TMOD1: variants seen among roughly 807,000 people sequenced by gnomAD.
TMOD1 encodes tropomodulin 1.
Under a neutral mutation model 40.6 loss-of-function variants are expected in TMOD1, and 17 were observed. The ratio of observed to expected loss-of-function variants is 0.42; its 90% confidence interval spans 0.29 to 0.63. The LOEUF is 0.63. Among genes scored for constraint, TMOD1 ranks in the 20% least tolerant of loss-of-function variants. The pLI, the probability that TMOD1 is intolerant of heterozygous loss-of-function variation, is 0.22. For synonymous variants in TMOD1, 181 were observed against 175.0 expected (o/e 1.03, Z -0.27); for missense variants, 391 against 447.6 (o/e 0.87, Z 1.14).
chr9:97,530,972 G>C (rs1039627060), intron 2 of TMOD1, among the ~76,000 whole-genome samples: 4 of 149,498 alleles, frequency 2.7e-5, no homozygotes, highest in African/African-American at 9.9e-5. Flanking sequence ...ATTTTTAGTA[G>C]AGATGGGGTT....
At chr9:97,523,029 G>A (rs189567067) in intron 1 of TMOD1, among the ~76,000 whole-genome samples, 1 of 152,022 alleles carries the variant, frequency 6.6e-6, no homozygotes, top group African/African-American at 2.4e-5. Context: ...TGATGTCAGG[G>A]GTCCTGAGTC....
At chr9:97,559,266 G>A (rs568915217) in intron 4 of TMOD1, among the ~76,000 whole-genome samples, 17 of 152,046 alleles carry the variant, frequency 1.1e-4, no homozygotes, top group Middle Eastern at 3.2e-3. Flanking sequence ...TGTTGCCCAC[G>A]TAGATGCAGC....
At chr9:97,559,794 A>AAT (rs1193457397) in intron 4 of TMOD1, among the ~76,000 whole-genome samples, 634 of 23,042 alleles carry the variant, frequency 0.028, 10 homozygotes, top group Non-Finnish European at 0.038. Context: ...AAAAAAAAAA[A>AAT]ATATATATAT....
intron 3 of TMOD1, among the ~76,000 whole-genome samples, chr9:97,553,002 C>T (rs1830476422): frequency 6.6e-6 from 1 of 152,024 alleles, no homozygotes; most frequent in South Asian, 2.1e-4. Flanking sequence ...ATATTTTTTT[C>T]CTACTTACAG....
intron 7 of TMOD1, among the ~76,000 whole-genome samples, chr9:97,566,748 T>A (rs1193461898): frequency 6.6e-6 from 1 of 152,230 alleles, no homozygotes; most frequent in African/African-American, 2.4e-5. Flanking sequence ...TGACCAATTT[T>A]ATTTTATAAG....
Position 97,601,089 on chromosome 9 carries a change from G to T in TMOD1, c.*1391G>T, listed in dbSNP as rs1402056504. 2 of 1,304,290 alleles carry T rather than the reference G, an allele frequency of 1.5e-6. No individual in the cohort carries two copies. The allele number at this position is 1,304,290 out of a possible 1,614,324, so 80.8% of individuals were successfully genotyped here. On this transcript the variant is annotated 3_prime_UTR_variant, in exon 10 of 10. Transcript: ENST00000259365. ...CAGGGTAACTGGAGGCGGGGCCAGG[G>T]CCTCAGCGCTATGGAAGAGTGTCCA...
intron 7 of TMOD1, among the ~76,000 whole-genome samples, chr9:97,568,580 A>G (rs1830768622): frequency 6.6e-6 from 1 of 152,180 alleles, no homozygotes; most frequent in South Asian, 2.1e-4. Context: ...CAAAGTGGGA[A>G]AGCACCGAGC....
chr9:97,530,065 T>G (rs999429535), intron 2 of TMOD1, among the ~76,000 whole-genome samples: 1 of 152,182 alleles, frequency 6.6e-6, no homozygotes, highest in Admixed American at 6.5e-5. Context: ...CTGTTAACCC[T>G]GGGAGCACCT....
At chr9:97,544,038 T>A (rs1023512560) in intron 2 of TMOD1, among the ~76,000 whole-genome samples, 1 of 152,170 alleles carries the variant, frequency 6.6e-6, no homozygotes, top group South Asian at 2.1e-4. Flanking sequence ...GTGTCTCTTT[T>A]GATCTGTGGC....
intron 1 of TMOD1, among the ~76,000 whole-genome samples, chr9:97,505,791 A>C (rs1211243207): frequency 6.6e-6 from 1 of 152,002 alleles, no homozygotes; most frequent in African/African-American, 2.4e-5. Context: ...AATTTCTCTT[A>C]CATCCATTTC....
intron 1 of TMOD1, among the ~76,000 whole-genome samples, chr9:97,517,439 G>T (rs1829830469): frequency 6.6e-6 from 1 of 152,194 alleles, no homozygotes; most frequent in African/African-American, 2.4e-5. Context: ...CAAGGGTCTG[G>T]CCTGGGTGAC....
chr9:97,551,045 A>G (rs1333319801), intron 3 of TMOD1, among the ~76,000 whole-genome samples: 1 of 102,046 alleles, frequency 9.8e-6, no homozygotes, highest in Non-Finnish European at 1.8e-5. Flanking sequence ...TTTTTTTTAG[A>G]TGGAGTCTTG....
Position 97,565,900 on chromosome 9 carries a change from C to A in TMOD1, c.671C>A (p.Ser224Ter). ...KAYAEALKEN[S>*]YVKKFSIVGT... ...TATGCAGAAGCCCTGAAAGAAAACT[C>A]ATATGTGAAGAAGTTCAGCATCGTG... Residue 224 changes from serine to a stop codon, truncating the protein, a stop_gained, in exon 7 of 10, where the codon TCA becomes TAA. Coordinates refer to ENST00000259365, the MANE Select transcript of TMOD1 (RefSeq NM_003275.4). LOFTEE classifies it high-confidence loss of function. 6.2e-7 allele frequency: 1 copy of A among 1,614,216 alleles called. No homozygotes were observed. Among genetic ancestry groups the A allele is most frequent in the South Asian group, 1.1e-5 (1 of 91,074 alleles).
intron 2 of TMOD1, among the ~76,000 whole-genome samples, chr9:97,544,172 C>T (rs1830320111): frequency 6.6e-6 from 1 of 152,162 alleles, no homozygotes; most frequent in Admixed American, 6.5e-5. Context: ...ACCCCGGTCT[C>T]CTGATCTTAC....
chr9:97,540,025 C>T (rs1006977614), intron 2 of TMOD1, among the ~76,000 whole-genome samples: 1 of 151,432 alleles, frequency 6.6e-6, no homozygotes, highest in East Asian at 1.9e-4. Context: ...CAAAAATGCG[C>T]CATTCATTGG....
At position 97,544,806 on chromosome 9, in the gene TMOD1, G is replaced by A. The variant is rs1323596337; in HGVS notation, c.121-1379G>A. Among the ~76,000 whole-genome samples, 7 of 152,004 alleles carry A rather than the reference G, an allele frequency of 4.6e-5. No individual in the cohort carries two copies. The South Asian group carries it at 6.2e-4, about 14-fold the overall frequency. On this transcript the variant is annotated intron_variant, in intron 2 of 9. Coordinates refer to ENST00000259365, the MANE Select transcript of TMOD1 (RefSeq NM_003275.4). ...GCAGATCACTTGAGTTTGGGAGTTC[G>A]AGATCAGCCTGGCCAATATGGTGAA... is the stretch of plus-strand genomic sequence containing the variant.
intron 9 of TMOD1, among the ~76,000 whole-genome samples, chr9:97,592,691 A>G (rs1826026435): frequency 6.6e-6 from 1 of 152,202 alleles, no homozygotes; most frequent in Non-Finnish European, 1.5e-5. Context: ...TGCTCAAGGC[A>G]GGTGTGCACA....
intron 1 of TMOD1, among the ~76,000 whole-genome samples, chr9:97,522,170 C>G (rs114571014): frequency 6.6e-6 from 1 of 152,192 alleles, no homozygotes; most frequent in Non-Finnish European, 1.5e-5. Context: ...ATAACAGAAA[C>G]GTACTGTCAC....
intron 1 of TMOD1, among the ~76,000 whole-genome samples, chr9:97,518,783 G>A (rs1829868846): frequency 6.6e-6 from 1 of 152,206 alleles, no homozygotes; most frequent in African/African-American, 2.4e-5. Context: ...GCAGCCGAGG[G>A]AAGAGAGATT....
Sources: gnomAD v4.1 joint callset for allele counts (sites outside exome capture counted in the v4.1 genomes callset) on GRCh38, gnomAD v4.1.1 for gene constraint, MANE v1.5 for transcripts, NCBI Gene and HGNC (gene_info 2026-07-23, HGNC 2026-07-21) for gene names.